COL6A3: variants seen among roughly 807,000 people sequenced by gnomAD.
COL6A3 encodes the protein collagen type VI alpha 3 chain.
Under a neutral mutation model 274.1 loss-of-function variants are expected in COL6A3, and 137 were observed. That is an observed-to-expected ratio of 0.50 (90% CI 0.44 to 0.58). The LOEUF (loss-of-function observed/expected upper bound fraction) is 0.58. Ranked by LOEUF, COL6A3 falls within the 20% of genes least tolerant of loss-of-function variation. The probability of loss-of-function intolerance (pLI) is 0.00; values close to 1 mark genes in which losing one functional copy is unlikely to be tolerated. For missense variants in COL6A3, 3,950 were observed against 4,124.9 expected, an observed-to-expected ratio of 0.96 and a Z score of 1.16; for synonymous variants, 1,650 against 1,650.6, an observed-to-expected ratio of 1.00 and a Z score of 0.01.
chr2:237,342,157 T>C lies in COL6A3; in HGVS notation c.7673A>G (p.Asn2558Ser), dbSNP rs1022266665. 4 of 1,614,092 alleles carry C rather than the reference T, an allele frequency of 2.5e-6. No individual in the cohort carries two copies. Among genetic ancestry groups the C allele is most frequent in the Admixed American group, 1.7e-5 (1 of 60,024 alleles). The change falls in exon 37 of 44, where the codon AAT (asparagine) becomes AGT (serine). Residue 2558 changes from asparagine to serine, a missense_variant. Physicochemically the swap from Asn to Ser is conservative, Grantham distance 46. Coordinates refer to ENST00000295550, the MANE Select transcript of COL6A3 (RefSeq NM_004369.4). ...AAGCGCATGCCCCACTGCTGTGTTA[T>C]TGATCTGGTTTAAACAAAAGAACAA... ...DRQLINALQI[N>S]NTAVGHALVL...
intron 10 of COL6A3, 55 bp from the exon 11 acceptor site, chr2:237,367,341 T>G: frequency 6.4e-7 from 1 of 1,563,514 alleles, no homozygotes; most frequent in East Asian, 2.2e-5. Context: ...ACCCAGAACA[T>G]AAATACACAA....
rs559443350 is a variant in COL6A3, at chr2:237,396,853, A to G, written c.-30-6T>C. The G allele has an allele frequency of 5.7e-6, 9 of 1,588,112 alleles. No individual in the cohort carries two copies. The highest frequency in any genetic ancestry group is 3.3e-5 in the South Asian group (3 of 90,540). ...TCTAAGCACCAAATATGAACCTAAA[A>G]GAGAAAACAGGGCAAAGGGAATGAT... On this transcript the variant is annotated splice_region_variant and splice_polypyrimidine_tract_variant and intron_variant, in intron 1 of 43. Transcript: ENST00000295550.
chr2:237,381,439 A>T lies in COL6A3; in HGVS notation c.1373T>A (p.Leu458Gln), dbSNP rs374134397. The T allele has an allele frequency of 3.3e-5, 53 of 1,611,452 alleles. No individual in the cohort carries two copies. The African/African-American group carries it at 6.8e-4, about 21-fold the overall frequency. Residue 458 changes from leucine to glutamine, a missense_variant, in exon 5 of 44, where the codon CTG (leucine) becomes CAG (glutamine). This residue lies in a region of COL6A3 where 1,934 missense variants were observed against 1,984.3 expected (regional missense o/e 0.97). Transcript: ENST00000295550. ...FLVDGSSALG[L>Q]ANFNAIRDFI... ...GTCTCGGATGGCATTGAAGTTGGCC[A>T]GTCCCAGTGCAGATGAGCCATCCAC...
intron 40 of COL6A3, among the ~76,000 whole-genome samples, chr2:237,335,855 A>C (rs1327346931): frequency 1.3e-5 from 2 of 152,218 alleles, no homozygotes; most frequent in Non-Finnish European, 2.9e-5. Context: ...CCTTTAGTTT[A>C]AGACAACTCA....
chr2:237,355,475 G>A (rs1248994395), intron 23 of COL6A3: 5 of 152,858 alleles, frequency 3.3e-5, no homozygotes, highest in Admixed American at 1.3e-4. Context: ...TAGGGCTCAC[G>A]ACTTGGCAAC....
At chr2:237,360,228 G>T (rs1469268748) in intron 16 of COL6A3, 69 bp from the exon 17 acceptor site, 1 of 1,452,138 alleles carries the variant, frequency 6.9e-7, no homozygotes, top group Non-Finnish European at 9.6e-7. Flanking sequence ...CGGGCTTGCA[G>T]CAGCGTAAAG....
intron 41 of COL6A3, 45 bp from the exon 42 acceptor site, chr2:237,333,593 G>T: frequency 6.6e-7 from 1 of 1,522,866 alleles, no homozygotes; most frequent in South Asian, 1.1e-5. Context: ...ATCAGAAACA[G>T]GAGGGCTTGG....
At chr2:237,381,546 A>G (rs1311771245) in intron 4 of COL6A3, 47 bp from the exon 5 acceptor site, 1 of 1,423,866 alleles carries the variant, frequency 7.0e-7, no homozygotes, top group East Asian at 2.3e-5. Flanking sequence ...CTTACCAAGC[A>G]CAATCAACAA....
At position 237,380,925 on chromosome 2, in the gene COL6A3, T is replaced by C; in HGVS notation, c.1887A>G (p.Gly629=). ...CCATCACCACCATACCTTCAGGGGTTCCAGAGAGGGTCCTGAGAGGTGCCA... is the reference window on the plus strand; with the variant it reads ...CCATCACCACCATACCTTCAGGGGTCCCAGAGAGGGTCCTGAGAGGTGCCA... ...GLLAPLRTLS[G]TPEVHSNKRD... is the part of the protein sequence containing the mutation. Residue 629 remains glycine (G), a synonymous_variant, in exon 5 of 44, where the codon GGA becomes GGG. Transcript: ENST00000295550. 1 of 1,614,018 alleles carries C rather than the reference T, an allele frequency of 6.2e-7. No homozygotes were observed. Among genetic ancestry groups the C allele is most frequent in the Non-Finnish European group, 8.5e-7 (1 of 1,180,014 alleles).
chr2:237,380,923 G>C lies in COL6A3; in HGVS notation c.1889C>G (p.Thr630Ser). ...LLAPLRTLSG[T>S]PEVHSNKRDI... is the part of the protein sequence containing the mutation. ...AGCCATCACCACCATACCTTCAGGG[G>C]TTCCAGAGAGGGTCCTGAGAGGTGC... Residue 630 changes from threonine (T) to serine (S), a missense_variant, in exon 5 of 44, where the codon ACC becomes AGC. By Grantham distance (58) the Thr-to-Ser change is moderately conservative. This residue lies in a region of COL6A3 where 1,934 missense variants were observed against 1,984.3 expected (regional missense o/e 0.97). Transcript: ENST00000295550. 6.2e-7 allele frequency: 1 copy of C among 1,613,976 alleles called. No homozygotes were observed. The highest frequency in any genetic ancestry group is 8.5e-7 in the Non-Finnish European group (1 of 1,180,010).
At chr2:237,330,760 T>C (rs1485393913) in intron 42 of COL6A3, among the ~76,000 whole-genome samples, 1 of 152,234 alleles carries the variant, frequency 6.6e-6, no homozygotes, top group Non-Finnish European at 1.5e-5. Flanking sequence ...ATCTATTCAA[T>C]GTGACTGTCA....
In COL6A3 at chr2:237,387,961, G is replaced by C; in HGVS notation, c.933C>G (p.Ala311=). 1 of 1,614,198 alleles carries C rather than the reference G, an allele frequency of 6.2e-7. No homozygotes were observed. Among genetic ancestry groups the C allele is most frequent in the Non-Finnish European group, 8.5e-7 (1 of 1,180,030 alleles). ...TKAQVLGAVK[A]LGFAGGELAN... ...CCAACTCCCCACCAGCAAACCCGAG[G>C]GCTTTCACTGCACCCAGAACCTGGG... Residue 311 remains alanine, a synonymous_variant, in exon 4 of 44, where the codon GCC becomes GCG. Coordinates refer to ENST00000295550, the MANE Select transcript of COL6A3 (RefSeq NM_004369.4).
At chr2:237,412,510 T>G (rs1045566032) in intron 1 of COL6A3, among the ~76,000 whole-genome samples, 5 of 152,210 alleles carry the variant, frequency 3.3e-5, no homozygotes, top group Non-Finnish European at 7.3e-5. Flanking sequence ...TCAGAGCCCC[T>G]GGTTGCTCAT....
chr2:237,403,737 C>T lies in COL6A3; in HGVS notation c.-30-6890G>A, dbSNP rs537270554. ...GTTTGATAATGCTCCCAAGCTTTAG[C>T]CCGGTCGCAGCACAGCAGGGCTCAG... On this transcript the variant is annotated intron_variant, in intron 1 of 43. Transcript: ENST00000295550. 2.0e-5 allele frequency among the ~76,000 whole-genome samples: 3 copies of T among 152,154 alleles called. No homozygotes were observed. In the East Asian group the frequency reaches 5.8e-4, roughly 29 times the overall value.
At chr2:237,369,248 T>C in intron 9 of COL6A3, 71 bp from the exon 10 acceptor site, 5 of 1,574,554 alleles carry the variant, frequency 3.2e-6, no homozygotes, top group Non-Finnish European at 4.3e-6. Flanking sequence ...GGTGTGCACC[T>C]TGCACCATAA....
chr2:237,362,195 C>CAAAT (rs1553554501), intron 14 of COL6A3, among the ~76,000 whole-genome samples: 1 of 152,176 alleles, frequency 6.6e-6, no homozygotes, highest in Non-Finnish European at 1.5e-5. Context: ...CAAAGCCAAG[C>CAAAT]AAATGGCAGA....
intron 36 of COL6A3, chr2:237,342,520 C>T (rs896603459): frequency 1.1e-4 from 28 of 266,386 alleles, no homozygotes; most frequent in South Asian, 4.7e-4. Context: ...TTAATCTTAT[C>T]GTTATTTTTA....
At position 237,347,829 on chromosome 2, in the gene COL6A3, G is replaced by C. The variant is rs202092407; in HGVS notation, c.7007C>G (p.Pro2336Arg). ...GEPGLNGTTG[P>R]KGIRGRRGNS... ...TACCCTTCGGCCTCTGATGCCTTTG[G>C]GTCCTGTTGTTCCATTTAGCCCAGG... The change falls in exon 31 of 44, where the codon CCC (proline) becomes CGC (arginine). Residue 2336 changes from proline to arginine, a missense_variant. Pro to Arg is a moderately radical substitution (Grantham distance 103, BLOSUM62 -2). Transcript: ENST00000295550. 8 of 1,611,404 alleles carry C rather than the reference G, an allele frequency of 5.0e-6. No homozygotes were observed. The South Asian group carries it at 5.5e-5, about 11-fold the overall frequency.
chr2:237,368,507 A>G lies in COL6A3; in HGVS notation c.4900+56T>C. The G allele has an allele frequency of 6.3e-7, 1 of 1,592,322 alleles. No homozygotes were observed. The highest frequency in any genetic ancestry group is 8.6e-7 in the Non-Finnish European group (1 of 1,167,382). ...AAAATGACTACTGATTACTTTTTTA[A>G]CTAAAAAAAAAATGTTGATGTCACA... On this transcript the variant is annotated intron_variant, in intron 10 of 43. Transcript: ENST00000295550. This position sits in a 1 kb window ranked among gnomAD's most constrained non-coding sequence, Gnocchi z 4.4.
Sources: allele counts gnomAD v4.1 joint callset (sites outside exome capture counted in the v4.1 genomes callset), GRCh38; gene constraint gnomAD v4.1.1; regional missense constraint gnomAD v4.1.1; non-coding constraint Gnocchi (gnomAD v3.1); transcripts MANE v1.5; gene names NCBI Gene and HGNC (gene_info 2026-07-23, HGNC 2026-07-21).